Variants in ARRB1 observed in about 807,000 individuals in gnomAD.
ARRB1 encodes the protein beta-arrestin-1.
ARRB1 carries 21 observed loss-of-function variants against 56.8 expected under a neutral mutation model. That is an observed-to-expected ratio of 0.37 (90% CI 0.26 to 0.53). ARRB1 has a LOEUF of 0.53. Ranked by LOEUF, ARRB1 falls within the 20% of genes least tolerant of loss-of-function variation. The pLI, the probability that ARRB1 is intolerant of heterozygous loss-of-function variation, is 0.88. For synonymous variants in ARRB1, 210 were observed against 218.6 expected (o/e 0.96, Z 0.35); for missense variants, 424 against 553.7 (o/e 0.77, Z 2.35).
intron 1 of ARRB1, among the ~76,000 whole-genome samples, chr11:75,302,308 G>A (rs1021977176): frequency 6.6e-6 from 1 of 152,206 alleles, no homozygotes; most frequent in Non-Finnish European, 1.5e-5. Flanking sequence ...TCACTTCTTT[G>A]GCCATGAAGC....
In ARRB1 at chr11:75,348,518, T is replaced by G. The variant is rs1031271241; in HGVS notation, c.20+3070A>C. 9.8e-5 allele frequency among the ~76,000 whole-genome samples: 15 copies of G among 152,286 alleles called. No individual in the cohort carries two copies. The South Asian group carries it at 2.7e-3, about 27-fold the overall frequency. Reference sequence around the variant, plus strand: ...TCAGAAGGCACTCATCAACATTTGTTGAATGAATATATGATTGTTCCCAGA... The same window carrying G: ...TCAGAAGGCACTCATCAACATTTGTGGAATGAATATATGATTGTTCCCAGA... On this transcript the variant is annotated intron_variant, in intron 1 of 15. Transcript: ENST00000420843.
At position 75,287,351 on chromosome 11, in the gene ARRB1, C is replaced by A; in HGVS notation, c.76G>T (p.Asp26Tyr). The change falls in exon 3 of 16, where the codon GAC (aspartate) becomes TAC (tyrosine). Residue 26 changes from aspartate (D) to tyrosine (Y), a missense_variant. Asp to Tyr is a radical substitution (Grantham distance 160). Transcript: ENST00000420843. ...GKLTVYLGKR[D>Y]FVDHIDLVDP... ...ACGAGGTCGATGTGGTCCACAAAGT[C>A]CCGCTTTCCCAGGTAGACGGTGAGC... 3.2e-6 allele frequency: 5 copies of A among 1,560,944 alleles called. No homozygotes were observed. Among genetic ancestry groups the A allele is most frequent in the Non-Finnish European group, 4.3e-6 (5 of 1,151,982 alleles).
intron 1 of ARRB1, among the ~76,000 whole-genome samples, chr11:75,338,908 TGTGCTGG>T (rs1947653846): frequency 2.6e-5 from 4 of 152,304 alleles, no homozygotes; most frequent in Admixed American, 2.6e-4. Flanking sequence ...GCCCTGCTAA[TGTGCTGG>T]GTGCTTTAAT....
chr11:75,287,291 T>C (rs894972840), intron 3 of ARRB1, 24 bp downstream of exon 3: 2 of 1,546,940 alleles, frequency 1.3e-6, no homozygotes, highest in Non-Finnish European at 1.7e-6. Flanking sequence ...CCCCCAGCCC[T>C]CCTCTCGCCC....
At chr11:75,301,584 C>T (rs1946905859) in intron 1 of ARRB1, among the ~76,000 whole-genome samples, 1 of 152,190 alleles carries the variant, frequency 6.6e-6, no homozygotes, top group African/African-American at 2.4e-5. Flanking sequence ...TGTCCAATAG[C>T]AGCCATGGCT....
At chr11:75,287,508 G>T in intron 2 of ARRB1, 133 bp from the exon 3 acceptor site, 1 of 832,820 alleles carries the variant, frequency 1.2e-6, no homozygotes, top group Non-Finnish European at 1.8e-6. Flanking sequence ...ATCCTAAGTG[G>T]ACTTGGGCCT....
At chr11:75,311,823 G>A (rs766882656) in intron 1 of ARRB1, among the ~76,000 whole-genome samples, 6 of 152,200 alleles carry the variant, frequency 3.9e-5, no homozygotes, top group East Asian at 1.9e-4. Context: ...ATTCCTGTCC[G>A]GCGGCAGCAC....
chr11:75,315,603 C>T (rs2140488677), intron 1 of ARRB1, among the ~76,000 whole-genome samples: 1 of 152,326 alleles, frequency 6.6e-6, no homozygotes, highest in South Asian at 2.1e-4. Flanking sequence ...TTGCTGGCTA[C>T]TTCCTCAGTG....
At position 75,287,395 on chromosome 11, in the gene ARRB1, G is replaced by A. The variant is rs377175552; in HGVS notation, c.52-20C>T. ...GGTGAGCTGAGGAGGAGAGGCATAG[G>A]GGGCGTTAGCAGCTGCAGGCCCAGA... On this transcript the variant is annotated intron_variant, in intron 2 of 15. Coordinates refer to ENST00000420843, the MANE Select transcript of ARRB1 (RefSeq NM_004041.5). The A allele has an allele frequency of 3.0e-5, 46 of 1,555,690 alleles. No individual in the cohort carries two copies. Among genetic ancestry groups the A allele is most frequent in the Non-Finnish European group, 3.9e-5 (45 of 1,149,206 alleles).
intron 1 of ARRB1, among the ~76,000 whole-genome samples, chr11:75,299,671 C>G (rs1042132997): frequency 2.0e-5 from 3 of 152,208 alleles, no homozygotes; most frequent in African/African-American, 4.8e-5. Context: ...CTCAGCTCCA[C>G]ATCCAGTGTG....
Position 75,275,638 on chromosome 11 carries a change from G to A in ARRB1, c.776+1201C>T, listed in dbSNP as rs560560762. ...CTCTATCCCCCATCCTTTCCAATGA[G>A]AGAGCTGTCATGCAGCAGATAGTGA... On this transcript the variant is annotated intron_variant, in intron 10 of 15. Coordinates refer to ENST00000420843, the MANE Select transcript of ARRB1 (RefSeq NM_004041.5). Among the ~76,000 whole-genome samples the A allele has an allele frequency of 3.9e-5, 6 of 152,272 alleles. No individual in the cohort carries two copies. In the East Asian group the frequency reaches 5.8e-4, roughly 15 times the overall value.
intron 8 of ARRB1, 74 bp from the exon 9 acceptor site, chr11:75,277,522 C>T: frequency 1.5e-6 from 2 of 1,364,558 alleles, no homozygotes; most frequent in Middle Eastern, 1.8e-4. Context: ...GGAGAAAAGC[C>T]CCCACGCGAT....
At chr11:75,346,010 G>A (rs1263818784) in intron 1 of ARRB1, among the ~76,000 whole-genome samples, 1 of 152,090 alleles carries the variant, frequency 6.6e-6, no homozygotes, top group Non-Finnish European at 1.5e-5. Flanking sequence ...CTCAGCCTGA[G>A]GTATGAATGA....
chr11:75,293,344 C>T (rs774889171), intron 1 of ARRB1, among the ~76,000 whole-genome samples: 5 of 152,152 alleles, frequency 3.3e-5, no homozygotes, highest in Non-Finnish European at 7.4e-5. Flanking sequence ...GCCTGTCTCC[C>T]GAGCCCATGT....
At chr11:75,312,027 G>T in intron 1 of ARRB1, 1 of 1,288,214 alleles carries the variant, frequency 7.8e-7, no homozygotes, top group Non-Finnish European at 1.0e-6. Context: ...CGGAGGCCCT[G>T]CCCAGCCTCT....
At chr11:75,268,398 G>C (rs1003861586) in intron 14 of ARRB1, among the ~76,000 whole-genome samples, 2 of 151,694 alleles carry the variant, frequency 1.3e-5, no homozygotes, top group Admixed American at 6.6e-5. Flanking sequence ...TCAGCTACTC[G>C]GGAGGCTGAG....
chr11:75,309,687 G>A (rs1420134725), intron 1 of ARRB1, among the ~76,000 whole-genome samples: 1 of 152,180 alleles, frequency 6.6e-6, no homozygotes, highest in Non-Finnish European at 1.5e-5. Context: ...GGAGTCCTGG[G>A]GAGACCAGAG....
intron 13 of ARRB1, among the ~76,000 whole-genome samples, chr11:75,269,789 G>A (rs1946034170): frequency 6.6e-6 from 1 of 152,250 alleles, no homozygotes; most frequent in Non-Finnish European, 1.5e-5. Flanking sequence ...AGGCCACACA[G>A]CTATTAATGG....
chr11:75,267,389 C>T (rs1319940516), intron 15 of ARRB1, among the ~76,000 whole-genome samples: 1 of 152,126 alleles, frequency 6.6e-6, no homozygotes, highest in African/African-American at 2.4e-5. Flanking sequence ...TGTGGATGGA[C>T]GAACGGACTG....
Sources: gnomAD v4.1 joint callset for allele counts (sites outside exome capture counted in the v4.1 genomes callset) on GRCh38, gnomAD v4.1.1 for gene constraint, MANE v1.5 for transcripts, NCBI Gene and HGNC (gene_info 2026-07-23, HGNC 2026-07-21) for gene names.